STARD13: variants seen among roughly 807,000 people sequenced by gnomAD.
STARD13 encodes StAR related lipid transfer domain containing 13.
Under a neutral mutation model 106.4 loss-of-function variants are expected in STARD13, and 62 were observed. That is an observed-to-expected ratio of 0.58 (90% CI 0.48 to 0.72). The LOEUF is 0.72. STARD13 is among the 30% of genes least tolerant of loss of function. The pLI, the probability that STARD13 is intolerant of heterozygous loss-of-function variation, is 0.00. For synonymous variants in STARD13, 565 were observed against 553.0 expected, an observed-to-expected ratio of 1.02 and a Z score of -0.31; for missense variants, 1,387 against 1,424.0, an observed-to-expected ratio of 0.97 and a Z score of 0.42.
upstream of STARD13, among the ~76,000 whole-genome samples, chr13:33,353,847 C>G (rs1428484376): frequency 6.7e-6 from 1 of 149,652 alleles, no homozygotes; most frequent in Admixed American, 6.7e-5. Context: ...TGTGGTTGGT[C>G]TCCCAGGCAG....
chr13:33,331,562 C>T (rs1426596877), intron 1 of STARD13, among the ~76,000 whole-genome samples: 2 of 144,710 alleles, frequency 1.4e-5, no homozygotes, highest in Non-Finnish European at 3.0e-5. Context: ...GAACAGGTTT[C>T]GCCATGTTGG....
chr13:33,379,794 A>G, the STARD13 span, among the ~76,000 whole-genome samples: 1 of 152,242 alleles, frequency 6.6e-6, no homozygotes, highest in East Asian at 1.9e-4. Flanking sequence ...TTCTGATCCC[A>G]GGGTTCACAT....
At chr13:33,609,172 TAAAC>T in the STARD13 span, among the ~76,000 whole-genome samples, 3 of 147,728 alleles carry the variant, frequency 2.0e-5, no homozygotes, top group South Asian at 2.1e-4. Context: ...AAAGACACCA[TAAAC>T]AAAGTAAAAA....
chr13:33,498,249 G>C, the STARD13 span, among the ~76,000 whole-genome samples: 5 of 152,108 alleles, frequency 3.3e-5, no homozygotes, highest in Non-Finnish European at 7.4e-5. Flanking sequence ...TAAGAACTTG[G>C]AATTCTCCTC....
chr13:33,449,180 A>G, the STARD13 span, among the ~76,000 whole-genome samples: 2 of 151,206 alleles, frequency 1.3e-5, no homozygotes, highest in Non-Finnish European at 2.9e-5. Flanking sequence ...GGTGTAGGAT[A>G]TTTTTCATGG....
At chr13:33,368,813 G>T in the STARD13 span, among the ~76,000 whole-genome samples, 3 of 152,130 alleles carry the variant, frequency 2.0e-5, no homozygotes, top group Non-Finnish European at 4.4e-5. Context: ...ACCATTTGGT[G>T]TGTCTCCCAT....
Position 33,110,016 on chromosome 13 carries a change from G to T in STARD13, c.2904C>A (p.Asn968Lys). The T allele has an allele frequency of 1.9e-6, 3 of 1,614,240 alleles. No homozygotes were observed. The highest frequency in any genetic ancestry group is 2.5e-6 in the Non-Finnish European group (3 of 1,180,038). ...EVEAPPSVVL[N>K]RVLRERHLWD... Reference sequence around the variant, plus strand: ...ACAGGTGGCGCTCTCTCAGCACGCGGTTCAGGACCACTGAGGGGGGTGCTT... The same window carrying T: ...ACAGGTGGCGCTCTCTCAGCACGCGTTTCAGGACCACTGAGGGGGGTGCTT... Residue 968 changes from asparagine to lysine, a missense_variant, in exon 12 of 14, where the codon AAC becomes AAA. Asn to Lys is a moderately conservative substitution (Grantham distance 94). Coordinates refer to ENST00000336934, the MANE Select transcript of STARD13 (RefSeq NM_178006.4).
chr13:33,658,953 G>T, the STARD13 span, among the ~76,000 whole-genome samples: 1 of 152,150 alleles, frequency 6.6e-6, no homozygotes, highest in Non-Finnish European at 1.5e-5. Flanking sequence ...ACAGGGTTTG[G>T]AGAGCCTCCT....
the STARD13 span, among the ~76,000 whole-genome samples, chr13:33,605,005 G>T: frequency 6.6e-6 from 1 of 152,034 alleles, no homozygotes; most frequent in African/African-American, 2.4e-5. Context: ...ACTTTGGGAG[G>T]CCAAGGGAGG....
At chr13:33,287,307 C>G (rs1047994695), upstream of STARD13, among the ~76,000 whole-genome samples, 1 of 152,200 alleles carries the variant, frequency 6.6e-6, no homozygotes, top group African/African-American at 2.4e-5. Context: ...TCTTGTATAA[C>G]TGTCCCGCTA....
At chr13:33,618,632 C>A in the STARD13 span, among the ~76,000 whole-genome samples, 1 of 151,956 alleles carries the variant, frequency 6.6e-6, no homozygotes, top group Non-Finnish European at 1.5e-5. Context: ...GTTACTGCTG[C>A]CAGATTTGCT....
At chr13:33,581,923 T>G in the STARD13 span, among the ~76,000 whole-genome samples, 1 of 152,038 alleles carries the variant, frequency 6.6e-6, no homozygotes, top group African/African-American at 2.4e-5. Context: ...CAAACTACCA[T>G]TATATAAACA....
At chr13:33,418,279 A>C in the STARD13 span, among the ~76,000 whole-genome samples, 1 of 152,220 alleles carries the variant, frequency 6.6e-6, no homozygotes. Context: ...GCAGATCAGG[A>C]GATTCTCTCC....
At chr13:33,389,983 T>C in the STARD13 span, among the ~76,000 whole-genome samples, 2 of 152,086 alleles carry the variant, frequency 1.3e-5, no homozygotes, top group Non-Finnish European at 2.9e-5. Flanking sequence ...GAAACAGAAA[T>C]GAGAATGATC....
chr13:33,402,970 C>T, the STARD13 span, among the ~76,000 whole-genome samples: 710 of 152,320 alleles, frequency 4.7e-3, 2 homozygotes, highest in Non-Finnish European at 8.2e-3. Context: ...GGCAAGAGCT[C>T]GGGATACAGA....
the STARD13 span, among the ~76,000 whole-genome samples, chr13:33,607,134 A>T: frequency 6.0e-5 from 9 of 149,946 alleles, no homozygotes; most frequent in African/African-American, 2.2e-4. Context: ...TGATTTATAC[A>T]TTTTTAAGTG....
intron 8 of STARD13, 119 bp downstream of exon 8, chr13:33,117,946 A>G (rs1875635292): frequency 6.6e-7 from 1 of 1,519,326 alleles, no homozygotes; most frequent in Non-Finnish European, 8.8e-7. Flanking sequence ...GAGCAGGATT[A>G]CATACATCTT....
chr13:33,106,750 G>A lies in STARD13; in HGVS notation c.3224+8C>T. 3 of 1,600,076 alleles carry A rather than the reference G, an allele frequency of 1.9e-6. No homozygotes were observed. The highest frequency in any genetic ancestry group is 2.6e-6 in the Non-Finnish European group (3 of 1,171,086). The stretch of plus-strand genomic sequence containing the variant: ...TCTGAGCCTGCCATTAAGGGAGTCA[G>A]CACTTACTTCAGGTCTATCCTGCAG... On this transcript the variant is annotated splice_region_variant and intron_variant, in intron 13 of 13. Coordinates refer to ENST00000336934, the MANE Select transcript of STARD13 (RefSeq NM_178006.4).
the STARD13 span, among the ~76,000 whole-genome samples, chr13:33,437,939 C>T: frequency 6.6e-6 from 1 of 152,124 alleles, no homozygotes; most frequent in Non-Finnish European, 1.5e-5. Context: ...CTGTAGTAGA[C>T]CGAACTCTCA....
Sources: allele counts gnomAD v4.1 joint callset (sites outside exome capture counted in the v4.1 genomes callset), GRCh38; gene constraint gnomAD v4.1.1; transcripts MANE v1.5; gene names NCBI Gene and HGNC (gene_info 2026-07-23, HGNC 2026-07-21).